LACTBL1: variants seen among roughly 807,000 people sequenced by gnomAD.
The protein encoded by LACTBL1 is beta-lactamase-like protein 1.
LACTBL1 carries 29 observed loss-of-function variants against 39.6 expected under a neutral mutation model. The observed-to-expected ratio is 0.73, with a 90% confidence interval of 0.55 to 1.00. The LOEUF is 1.00. LACTBL1 is among the 50% of genes least tolerant of loss of function. The pLI, the probability that LACTBL1 is intolerant of heterozygous loss-of-function variation, is 0.00. For synonymous variants in LACTBL1, 361 were observed against 360.7 expected, an observed-to-expected ratio of 1.00 and a Z score of -0.01; for missense variants, 711 against 748.5, an observed-to-expected ratio of 0.95 and a Z score of 0.59.
upstream of LACTBL1, among the ~76,000 whole-genome samples, chr1:22,967,652 G>T (rs1453844260): frequency 6.6e-6 from 1 of 152,090 alleles, no homozygotes; most frequent in Non-Finnish European, 1.5e-5. Context: ...TATAGAGAGA[G>T]AGAGAGAGAG....
chr1:22,960,069 C>G, exon 3 of LACTBL1: 2 of 1,550,692 alleles, frequency 1.3e-6, no homozygotes, highest in South Asian at 2.4e-5. Flanking sequence ...ACGCCTGGGG[C>G]AGACATTGCC....
At chr1:22,967,792 C>T (rs1640898298), upstream of LACTBL1, among the ~76,000 whole-genome samples, 1 of 152,008 alleles carries the variant, frequency 6.6e-6, no homozygotes. Flanking sequence ...TGCTTATTTA[C>T]TTTGTCTGTT....
At chr1:22,959,748 A>G (rs1640800308) in intron 3 of LACTBL1, among the ~76,000 whole-genome samples, 194 bp downstream of exon 5, 1 of 152,170 alleles carries the variant, frequency 6.6e-6, no homozygotes, top group South Asian at 2.1e-4. Flanking sequence ...CCTGTGATGT[A>G]ACATTGGGAA....
chr1:22,959,676 C>T (rs1408454756), intron 3 of LACTBL1, among the ~76,000 whole-genome samples: 2 of 152,222 alleles, frequency 1.3e-5, no homozygotes, highest in East Asian at 3.8e-4. Context: ...GTAGCCTTTT[C>T]TAGTTTGGGA....
exon 6 of LACTBL1, chr1:22,953,732 G>C (rs977638020): frequency 1.5e-5 from 20 of 1,347,130 alleles, no homozygotes; most frequent in Non-Finnish European, 1.8e-5. Context: ...AGGAGCCGCC[G>C]GGGCCCGCCG....
At chr1:22,962,717 C>T (rs1001934045) in intron 2 of LACTBL1, among the ~76,000 whole-genome samples, 26 of 152,234 alleles carry the variant, frequency 1.7e-4, no homozygotes, top group Admixed American at 8.5e-4. Flanking sequence ...TCCCCAGGGT[C>T]CCTCACCACA....
At position 22,957,329 on chromosome 1, in the gene LACTBL1, T is replaced by TA. The variant is rs544004011; in HGVS notation, c.553+1355_553+1356insT. Among the ~76,000 whole-genome samples the TA allele has an allele frequency of 2.7e-3, 415 of 152,312 alleles. 1 individual carries two copies. Among genetic ancestry groups the TA allele is most frequent in the African/African-American group, 9.6e-3 (400 of 41,570 alleles). ...CAGTGCTGTAGTGATCAACTGTGTATTATACATCCCCCATGCCAGACATAG... is the reference window on the plus strand; with the variant it reads ...CAGTGCTGTAGTGATCAACTGTGTATATATACATCCCCCATGCCAGACATAG... On this transcript the variant is annotated intron_variant, in intron 4 of 5. Transcript: ENST00000426928.
intron 4 of LACTBL1, among the ~76,000 whole-genome samples, chr1:22,956,924 A>G (rs1640767647): frequency 6.6e-6 from 1 of 152,184 alleles, no homozygotes; most frequent in East Asian, 1.9e-4. Flanking sequence ...CCTTCTCCCT[A>G]GCTACCCATT....
At chr1:22,967,060 C>A (rs1640887184), upstream of LACTBL1, among the ~76,000 whole-genome samples, 1 of 151,862 alleles carries the variant, frequency 6.6e-6, no homozygotes, top group African/African-American at 2.4e-5. Context: ...ATAGTAAGAC[C>A]CTTTCTCTAC....
intron 2 of LACTBL1, among the ~76,000 whole-genome samples, chr1:22,962,653 C>A (rs1014399304): frequency 2.0e-5 from 3 of 152,162 alleles, no homozygotes; most frequent in African/African-American, 7.2e-5. Context: ...ATACTTTCTG[C>A]AGCCTCCAGG....
exon 6 of LACTBL1, chr1:22,953,417 G>A (rs1285511176): frequency 8.1e-7 from 1 of 1,227,648 alleles, no homozygotes; most frequent in African/African-American, 1.6e-5. Flanking sequence ...GCGGTGGGCG[G>A]CGGAGCCGGG....
intron 4 of LACTBL1, among the ~76,000 whole-genome samples, chr1:22,955,710 G>A (rs374839246): frequency 2.0e-5 from 3 of 152,132 alleles, no homozygotes; most frequent in African/African-American, 7.2e-5. Flanking sequence ...TGGATAAAAT[G>A]TTTAGTATGG....
At chr1:22,955,353 C>T in exon 5 of LACTBL1, 2 of 1,550,554 alleles carry the variant, frequency 1.3e-6, no homozygotes, top group South Asian at 1.2e-5. Flanking sequence ...GCACATCGTC[C>T]TTGAGCAGGT....
chr1:22,965,378 G>A (rs1050776884), upstream of LACTBL1: 56 of 1,265,428 alleles, frequency 4.4e-5, no homozygotes, highest in Non-Finnish European at 5.5e-5. Context: ...AGATGGCCGG[G>A]AGGAGCCACT....
At chr1:22,955,244 G>GTT (rs1640749245) in intron 5 of LACTBL1, 77 bp downstream of exon 7, 1 of 1,172,526 alleles carries the variant, frequency 8.5e-7, no homozygotes. Context: ...ATGAGGTGAT[G>GTT]TGGGCTCTTT....
chr1:22,965,446 G>A, upstream of LACTBL1: 4 of 1,239,302 alleles, frequency 3.2e-6, no homozygotes, highest in Non-Finnish European at 4.0e-6. Flanking sequence ...AAGGACATAA[G>A]GTACAGTCCC....
At chr1:22,961,467 G>T (rs913393576) in intron 2 of LACTBL1, among the ~76,000 whole-genome samples, 1 of 152,134 alleles carries the variant, frequency 6.6e-6, no homozygotes, top group African/African-American at 2.4e-5. Context: ...GGGTTCAAGC[G>T]ATTCTCCTGC....
chr1:22,970,641 G>T, the LACTBL1 span, among the ~76,000 whole-genome samples: 1 of 151,808 alleles, frequency 6.6e-6, no homozygotes, highest in Non-Finnish European at 1.5e-5. Flanking sequence ...GACTCTGCCT[G>T]TACAAAAAAA....
At chr1:22,963,199 C>G in exon 2 of LACTBL1, 1 of 1,355,824 alleles carries the variant, frequency 7.4e-7, no homozygotes, top group South Asian at 2.0e-5. Flanking sequence ...GCAGAGGTCT[C>G]CTCTGGTCCC....
Sources: gnomAD v4.1 joint callset for allele counts (sites outside exome capture counted in the v4.1 genomes callset) on GRCh38, gnomAD v4.1.1 for gene constraint, MANE v1.5 for transcripts, NCBI Gene and HGNC (gene_info 2026-07-23, HGNC 2026-07-21) for gene names.